Variants in MID1 observed in about 807,000 individuals in gnomAD.
MID1 encodes E3 ubiquitin-protein ligase Midline-1.
In MID1, 7 loss-of-function variants were observed where a neutral mutation model predicts 40.4. That is an observed-to-expected ratio of 0.17 (90% CI 0.10 to 0.33). The LOEUF is 0.33. Ranked by LOEUF, MID1 falls within the 10% of genes least tolerant of loss-of-function variation. The pLI, the probability that MID1 is intolerant of heterozygous loss-of-function variation, is 1.00. For synonymous variants in MID1, 229 were observed against 221.2 expected (o/e 1.04, Z -0.31); for missense variants, 367 against 558.5 (o/e 0.66, Z 3.46).
intron 1 of MID1, among the ~76,000 whole-genome samples, chrX:10,824,518 A>G (rs1281820135): frequency 2.7e-5 from 3 of 112,168 alleles, no homozygotes; most frequent in African/African-American, 9.7e-5. Flanking sequence ...GCTTGCAGCA[A>G]TTACTACTGC....
At chrX:10,505,264 C>T in intron 3 of MID1, 2 of 589,064 alleles carry the variant, frequency 3.4e-6, no homozygotes, top group Non-Finnish European at 4.1e-6. Flanking sequence ...GTTACTCCTT[C>T]TGTAATGTTT....
chrX:10,482,348 C>G (rs1237719416), intron 5 of MID1, 132 bp downstream of exon 5: 7 of 720,446 alleles, frequency 9.7e-6, no homozygotes, highest in African/African-American at 2.1e-5. Flanking sequence ...CAAAACAGCT[C>G]AAAGCCTCTA....
chrX:10,558,815 A>C (rs2147449841), intron 2 of MID1, among the ~76,000 whole-genome samples: 1 of 112,893 alleles, frequency 8.9e-6, no homozygotes, highest in South Asian at 3.7e-4. Flanking sequence ...CAAGAACGTT[A>C]ACAAGGTGCC....
chrX:10,493,210 A>G (rs763971091), intron 4 of MID1, among the ~76,000 whole-genome samples: 5 of 112,252 alleles, frequency 4.5e-5, no homozygotes, highest in South Asian at 7.4e-4. Flanking sequence ...AAGGGTCGTT[A>G]TAAGAGAAAG....
chrX:10,813,909 C>T (rs149272868), intron 1 of MID1, among the ~76,000 whole-genome samples: 4 of 111,489 alleles, frequency 3.6e-5, no homozygotes, highest in East Asian at 2.8e-4. Flanking sequence ...CAATGTTTTC[C>T]GCTTCATGAG....
At chrX:10,757,232 C>T (rs1432159945) in intron 1 of MID1, among the ~76,000 whole-genome samples, 5 of 112,351 alleles carry the variant, frequency 4.5e-5, no homozygotes, top group Non-Finnish European at 7.5e-5. Flanking sequence ...ACACTTGGAT[C>T]CAACACACTG....
chrX:10,525,594 G>C (rs1172708748), intron 2 of MID1, among the ~76,000 whole-genome samples: 1 of 112,262 alleles, frequency 8.9e-6, no homozygotes, highest in Admixed American at 9.4e-5. Flanking sequence ...GCTGTGATTT[G>C]GGGATTGACA....
At chrX:10,598,046 G>A (rs1214012486) in intron 1 of MID1, among the ~76,000 whole-genome samples, 1 of 111,638 alleles carries the variant, frequency 9.0e-6, no homozygotes, top group African/African-American at 3.3e-5. Flanking sequence ...ACATTTATCA[G>A]CTCTTGCTCT....
chrX:10,812,814 T>A (rs969403953), intron 1 of MID1, among the ~76,000 whole-genome samples: 6 of 111,034 alleles, frequency 5.4e-5, no homozygotes, highest in African/African-American at 2.0e-4. Flanking sequence ...ATGTGGAGAG[T>A]TAATCACAAG....
intron 3 of MID1, among the ~76,000 whole-genome samples, chrX:10,513,141 C>G (rs145140297): frequency 0.031 from 3,449 of 111,750 alleles, 88 homozygotes; most frequent in African/African-American, 0.078. Flanking sequence ...AGAAGTCAAC[C>G]GAATCAGGTA....
intron 1 of MID1, among the ~76,000 whole-genome samples, chrX:10,678,533 A>G (rs1032919064): frequency 8.9e-6 from 1 of 112,342 alleles, no homozygotes; most frequent in Non-Finnish European, 1.9e-5. Flanking sequence ...CTATAGCTAC[A>G]CCTATATATC....
chrX:10,658,428 T>TAAAAAAAAA (rs35116185), intron 1 of MID1, among the ~76,000 whole-genome samples: 1 of 5,578 alleles, frequency 1.8e-4, no homozygotes, highest in Non-Finnish European at 5.3e-4. Context: ...CCTTCAACTG[T>TAAAAAAAAA]AAAAAAAAAA....
chrX:10,465,254 C>CACACACACACACAT (rs1929317335), intron 7 of MID1, among the ~76,000 whole-genome samples: 1 of 96,821 alleles, frequency 1.0e-5, no homozygotes, highest in African/African-American at 4.1e-5. Context: ...CACACACACA[C>CACACACACACACAT]ACACACATAC....
chrX:10,553,278 A>G (rs868071631), intron 2 of MID1, among the ~76,000 whole-genome samples: 9 of 107,087 alleles, frequency 8.4e-5, no homozygotes, highest in Non-Finnish European at 1.5e-4. Flanking sequence ...AAAAATATAT[A>G]TATATATGTA....
intron 7 of MID1, among the ~76,000 whole-genome samples, chrX:10,467,882 C>T (rs1479207002): frequency 8.9e-6 from 1 of 111,943 alleles, no homozygotes; most frequent in Non-Finnish European, 1.9e-5. Context: ...CCTCACTTAC[C>T]AGCCAGGCTT....
At chrX:10,694,772 A>G (rs1165796979) in intron 1 of MID1, among the ~76,000 whole-genome samples, 1 of 112,301 alleles carries the variant, frequency 8.9e-6, no homozygotes, top group African/African-American at 3.2e-5. Flanking sequence ...CCTTTGCAAA[A>G]ATTTTAACAG....
At chrX:10,613,870 T>C (rs1449287635) in intron 1 of MID1, among the ~76,000 whole-genome samples, 1 of 106,140 alleles carries the variant, frequency 9.4e-6, no homozygotes, top group East Asian at 3.0e-4. Flanking sequence ...TAACCTATGC[T>C]AATTTTCTCT....
At chrX:10,760,196 C>G (rs1321476712) in intron 1 of MID1, among the ~76,000 whole-genome samples, 2 of 111,619 alleles carry the variant, frequency 1.8e-5, no homozygotes, top group African/African-American at 6.5e-5. Context: ...GGCTTGCACT[C>G]GGGGGGAAGT....
At chrX:10,674,312 C>T (rs909324747) in intron 1 of MID1, among the ~76,000 whole-genome samples, 4 of 112,299 alleles carry the variant, frequency 3.6e-5, no homozygotes, top group African/African-American at 6.5e-5. Flanking sequence ...AAGAGTTTTT[C>T]GTTGTTGCTG....
Sources: gnomAD v4.1 joint callset for allele counts (sites outside exome capture counted in the v4.1 genomes callset) on GRCh38, gnomAD v4.1.1 for gene constraint, MANE v1.5 for transcripts, NCBI Gene and HGNC (gene_info 2026-07-23, HGNC 2026-07-21) for gene names.